TRPM7: variants seen among roughly 807,000 people sequenced by gnomAD.
TRPM7 encodes the protein transient receptor potential cation channel subfamily M member 7, also known as LTRPC ion channel family member 7.
Under a neutral mutation model 229.7 loss-of-function variants are expected in TRPM7, and 134 were observed. The ratio of observed to expected loss-of-function variants is 0.58; its 90% CI spans 0.51 to 0.67. The LOEUF (loss-of-function observed/expected upper bound fraction) is 0.67, where lower values mean the gene tolerates loss of function less well. Ranked by LOEUF, TRPM7 falls within the 30% of genes least tolerant of loss-of-function variation. The probability of loss-of-function intolerance (pLI) is 0.00; values close to 1 mark genes in which losing one functional copy is unlikely to be tolerated. For missense variants in TRPM7, 1,901 were observed against 2,210.0 expected, an observed-to-expected ratio of 0.86 and a Z score of 2.80; for synonymous variants, 699 against 715.2, an observed-to-expected ratio of 0.98 and a Z score of 0.36.
chr15:50,562,749 G>A (rs1294946366), intron 38 of TRPM7, among the ~76,000 whole-genome samples: 1 of 151,296 alleles, frequency 6.6e-6, no homozygotes, highest in African/African-American at 2.4e-5. Flanking sequence ...CTTCAACCTG[G>A]GCGACAGAGT....
Position 50,639,534 on chromosome 15 carries a change from C to T in TRPM7, c.550G>A (p.Val184Ile), listed in dbSNP as rs376928280. 2.3e-5 allele frequency: 37 copies of T among 1,608,512 alleles called. No homozygotes were observed. The African/African-American group carries it at 4.4e-4, about 19-fold the overall frequency. The change falls in exon 6 of 39, where the codon GTT (valine) becomes ATT (isoleucine). Residue 184 changes from valine (V) to isoleucine (I), a missense_variant. Physicochemically the swap from Val to Ile is conservative, Grantham distance 29. Coordinates refer to ENST00000646667, the MANE Select transcript of TRPM7 (RefSeq NM_017672.6). Reference sequence around the variant, plus strand: ...GCATGTTCTTTGAGGGCATCTCCAACATGTTTTGCCACACCTGTTCATAAA... The same window carrying T: ...GCATGTTCTTTGAGGGCATCTCCAATATGTTTTGCCACACCTGTTCATAAA... ...GGVNTGVAKH[V>I]GDALKEHASR...
At position 50,650,054 on chromosome 15, in the gene TRPM7, A is replaced by G. The variant is rs1256538570; in HGVS notation, c.123-1169T>C. 2.0e-5 allele frequency among the ~76,000 whole-genome samples: 3 copies of G among 151,820 alleles called. No individual in the cohort carries two copies. In the East Asian group the frequency reaches 5.8e-4, roughly 29 times the overall value. On this transcript the variant is annotated intron_variant, in intron 3 of 38. Coordinates refer to ENST00000646667, the MANE Select transcript of TRPM7 (RefSeq NM_017672.6). ...TAAAAATACAAAAAATTAGCTGGGCATGGTGGCGCGTGCCTGTAATCCCAG... is the reference window on the plus strand; with the variant it reads ...TAAAAATACAAAAAATTAGCTGGGCGTGGTGGCGCGTGCCTGTAATCCCAG...
chr15:50,616,728 T>A (rs1397044608), intron 13 of TRPM7, among the ~76,000 whole-genome samples: 1 of 151,912 alleles, frequency 6.6e-6, no homozygotes, highest in Middle Eastern at 3.2e-3. Flanking sequence ...TTGTCCAGGC[T>A]GGAGTGCAAT....
At chr15:50,615,142 G>T in intron 13 of TRPM7, among the ~76,000 whole-genome samples, 1 of 120,848 alleles carries the variant, frequency 8.3e-6, no homozygotes, top group Non-Finnish European at 1.6e-5. Flanking sequence ...CAGCCTGAGC[G>T]ACAAGAGCGA....
chr15:50,628,322 T>G (rs1876541371), intron 10 of TRPM7, 73 bp from the exon 11 acceptor site: 1 of 1,069,926 alleles, frequency 9.3e-7, no homozygotes, highest in Admixed American at 1.9e-5. Context: ...CTTTTTTTTT[T>G]TTTAAGAGAT....
chr15:50,598,207 A>G (rs896589214), intron 22 of TRPM7, among the ~76,000 whole-genome samples: 5 of 152,186 alleles, frequency 3.3e-5, no homozygotes, highest in Admixed American at 6.5e-5. Flanking sequence ...AGTGAGAGAG[A>G]ATCAACAAAA....
In TRPM7 at chr15:50,639,443, T is replaced by C. The variant is rs2061020729; in HGVS notation, c.641A>G (p.Asn214Ser). The change falls in exon 6 of 39, where the codon AAT becomes AGT. Residue 214 changes from asparagine to serine, a missense_variant. This residue lies in a region of TRPM7 where 794 missense variants were observed against 881.9 expected (regional missense o/e 0.90). Coordinates refer to ENST00000646667, the MANE Select transcript of TRPM7 (RefSeq NM_017672.6). Reference protein sequence around the residue: ...IAPWGVIENRNDLVGRDVVAP... With the variant: ...IAPWGVIENRSDLVGRDVVAP... ...TCTTACATCTCTCCCAACAAGATCATTTCTGTTTTCAATCACTCCCCATGG... is the reference window on the plus strand; with the variant it reads ...TCTTACATCTCTCCCAACAAGATCACTTCTGTTTTCAATCACTCCCCATGG... 6.2e-7 allele frequency: 1 copy of C among 1,602,192 alleles called. No individual in the cohort carries two copies. Among genetic ancestry groups the C allele is most frequent in the Non-Finnish European group, 8.5e-7 (1 of 1,173,142 alleles).
At chr15:50,619,478 T>A (rs2060326537) in intron 13 of TRPM7, among the ~76,000 whole-genome samples, 1 of 151,496 alleles carries the variant, frequency 6.6e-6, no homozygotes, top group Non-Finnish European at 1.5e-5. Flanking sequence ...AGCCTCAACC[T>A]GCCGAAATGC....
At chr15:50,642,249 CT>C (rs2061124932) in intron 5 of TRPM7, among the ~76,000 whole-genome samples, 1 of 152,160 alleles carries the variant, frequency 6.6e-6, no homozygotes, top group Non-Finnish European at 1.5e-5. Context: ...GGAAATAATG[CT>C]TTGCTCTACA....
intron 28 of TRPM7, among the ~76,000 whole-genome samples, chr15:50,584,767 T>C (rs1371613237): frequency 2.0e-5 from 3 of 152,194 alleles, no homozygotes; most frequent in East Asian, 3.8e-4. Flanking sequence ...GATTTTGGGA[T>C]GTTCAATCCA....
chr15:50,591,814 A>G, intron 26 of TRPM7, 97 bp downstream of exon 26: 2 of 908,944 alleles, frequency 2.2e-6, no homozygotes, highest in Non-Finnish European at 1.6e-6. Context: ...ATTATACTCT[A>G]TGAAAAGATA....
chr15:50,665,855 T>C lies in TRPM7; in HGVS notation c.4-2809A>G, dbSNP rs544079108. On this transcript the variant is annotated intron_variant, in intron 1 of 38. Coordinates refer to ENST00000646667, the MANE Select transcript of TRPM7 (RefSeq NM_017672.6). ...CTAAAATACAAAAATTAGCAGAGTG[T>C]TGTGGTGGGCACCTGTAATCCCAGC... Among the ~76,000 whole-genome samples, 122 of 152,114 alleles carry C rather than the reference T, an allele frequency of 8.0e-4. 1 individual carries two copies. The highest frequency in any genetic ancestry group is 2.9e-3 in the African/African-American group (119 of 41,498).
intron 1 of TRPM7, among the ~76,000 whole-genome samples, chr15:50,670,981 T>C (rs1233472816): frequency 6.6e-6 from 1 of 152,124 alleles, no homozygotes; most frequent in African/African-American, 2.4e-5. Context: ...TGAGACCAGA[T>C]AAAAGGGGGC....
chr15:50,585,929 A>G (rs531760767), intron 28 of TRPM7, among the ~76,000 whole-genome samples: 9 of 152,234 alleles, frequency 5.9e-5, no homozygotes, highest in Non-Finnish European at 1.3e-4. Context: ...ACTGTCATAC[A>G]TGACTGTATA....
In TRPM7 at chr15:50,614,225, A is replaced by T; in HGVS notation, c.1533T>A (p.Asp511Glu). Residue 511 changes from aspartate (D) to glutamate (E), a missense_variant, in exon 14 of 39, where the codon GAT (aspartate) becomes GAA (glutamate). Physicochemically the swap from Asp to Glu is conservative, Grantham distance 45 (BLOSUM62 2). Coordinates refer to ENST00000646667, the MANE Select transcript of TRPM7 (RefSeq NM_017672.6). ...TGAGATATTCAATAACAAGTCCTAT[A>T]TCAATCAGAGTGATCTTATATCCTG... The part of the protein sequence containing the change: ...LPPGYKITLI[D>E]IGLVIEYLMG... The T allele has an allele frequency of 1.2e-6, 2 of 1,611,760 alleles. No individual in the cohort carries two copies. The highest frequency in any genetic ancestry group is 1.7e-6 in the Non-Finnish European group (2 of 1,179,052).
In TRPM7 at chr15:50,679,522, A is replaced by G. The variant is rs1198988060; in HGVS notation, c.3+7009T>C. On this transcript the variant is annotated intron_variant, in intron 1 of 38. Coordinates refer to ENST00000646667, the MANE Select transcript of TRPM7 (RefSeq NM_017672.6). The stretch of plus-strand genomic sequence containing the variant: ...ATGTGTATATATATAATATATATAT[A>G]TATATATATATATATATTTTTTTTT... Among the ~76,000 whole-genome samples the G allele has an allele frequency of 1.5e-3, 35 of 23,274 alleles. 1 individual carries two copies. The highest frequency in any genetic ancestry group is 0.019 in the Middle Eastern group (1 of 52). The allele number at this position is 23,274 out of a possible 152,430, so 15.3% of individuals were successfully genotyped here.
chr15:50,669,098 C>A (rs1275008803), intron 1 of TRPM7, among the ~76,000 whole-genome samples: 3 of 152,066 alleles, frequency 2.0e-5, no homozygotes, highest in Admixed American at 2.0e-4. Context: ...GAGAAATTTA[C>A]CCAATACATA....
At chr15:50,569,052 TA>T (rs918022921) in intron 38 of TRPM7, among the ~76,000 whole-genome samples, 19 of 150,770 alleles carry the variant, frequency 1.3e-4, no homozygotes, top group African/African-American at 4.6e-4. Flanking sequence ...ATTTTTTTTT[TA>T]AATTTAATTT....
chr15:50,599,114 A>G lies in TRPM7; in HGVS notation c.3163+8T>C. The G allele has an allele frequency of 1.3e-6, 2 of 1,580,274 alleles. No homozygotes were observed. The highest frequency in any genetic ancestry group is 8.6e-7 in the Non-Finnish European group (1 of 1,159,676). On this transcript the variant is annotated splice_region_variant and intron_variant, in intron 22 of 38. Transcript: ENST00000646667. The stretch of plus-strand genomic sequence containing the variant: ...CAAAAGATAAATCTGTAAATATACA[A>G]TTCTTACCATCAATTTCGTATGCAT...
Sources: allele counts gnomAD v4.1 joint callset (sites outside exome capture counted in the v4.1 genomes callset), GRCh38; gene constraint gnomAD v4.1.1; regional missense constraint gnomAD v4.1.1; transcripts MANE v1.5; gene names NCBI Gene and HGNC (gene_info 2026-07-23, HGNC 2026-07-21).